SYCP1: variants seen among roughly 807,000 people sequenced by gnomAD.
SYCP1 encodes the protein cancer/testis antigen 8.
A neutral mutation model predicts 153.1 loss-of-function variants in SYCP1; 64 were observed. The ratio of observed to expected loss-of-function variants is 0.42; its 90% CI spans 0.34 to 0.51. SYCP1 has a LOEUF of 0.51. Among genes scored for constraint, SYCP1 ranks in the 20% least tolerant of loss-of-function variants. The pLI is 0.06. For synonymous variants in SYCP1, 384 were observed against 341.8 expected (o/e 1.12, Z -1.36); for missense variants, 997 against 1,049.0 (o/e 0.95, Z 0.68).
intron 8 of SYCP1, among the ~76,000 whole-genome samples, chr1:114,873,714 C>T (rs979204440): frequency 6.6e-6 from 1 of 152,154 alleles, no homozygotes; most frequent in Non-Finnish European, 1.5e-5. Context: ...GTTAAACTCA[C>T]AAGAATCTGG....
At chr1:114,933,646 A>C (rs1334846666) in intron 23 of SYCP1, among the ~76,000 whole-genome samples, 1 of 152,220 alleles carries the variant, frequency 6.6e-6, no homozygotes, top group African/African-American at 2.4e-5. Context: ...AAAGAAGCTA[A>C]AAACCTTGAG....
chr1:114,925,342 T>G (rs919896848), intron 21 of SYCP1, among the ~76,000 whole-genome samples: 3 of 152,136 alleles, frequency 2.0e-5, no homozygotes, highest in African/African-American at 7.2e-5. Flanking sequence ...AAATCCTCCA[T>G]TAAGAATTTA....
chr1:114,916,860 T>C (rs1294639883), intron 20 of SYCP1, among the ~76,000 whole-genome samples: 1 of 152,020 alleles, frequency 6.6e-6, no homozygotes, highest in African/African-American at 2.4e-5. Flanking sequence ...ATTTTCGATT[T>C]TTAATTTTTG....
intron 27 of SYCP1, among the ~76,000 whole-genome samples, chr1:114,966,213 G>A (rs993946224): frequency 5.3e-5 from 8 of 151,876 alleles, no homozygotes; most frequent in African/African-American, 1.7e-4. Flanking sequence ...TTTTTATTGT[G>A]TCTATTTGAT....
At chr1:114,937,548 A>G (rs1670104949) in intron 23 of SYCP1, among the ~76,000 whole-genome samples, 2 of 152,174 alleles carry the variant, frequency 1.3e-5, no homozygotes, top group Non-Finnish European at 2.9e-5. Context: ...GACAAATGGG[A>G]TCTAATTAAA....
intron 27 of SYCP1, among the ~76,000 whole-genome samples, chr1:114,973,237 A>C (rs1672602984): frequency 6.6e-6 from 1 of 151,954 alleles, no homozygotes. Flanking sequence ...CTTTTAGAGG[A>C]ATCTTCTGTT....
intron 21 of SYCP1, among the ~76,000 whole-genome samples, chr1:114,924,289 T>A (rs957155390): frequency 6.6e-6 from 1 of 152,200 alleles, no homozygotes; most frequent in Non-Finnish European, 1.5e-5. Flanking sequence ...CAGTTCACAC[T>A]TATTCCTGAG....
At chr1:114,958,169 A>C (rs1671554195) in intron 27 of SYCP1, among the ~76,000 whole-genome samples, 1 of 152,210 alleles carries the variant, frequency 6.6e-6, no homozygotes, top group South Asian at 2.1e-4. Flanking sequence ...ATATTGTGTT[A>C]TGTGAAATAA....
chr1:114,897,086 G>C (rs1040251270), intron 16 of SYCP1, among the ~76,000 whole-genome samples: 2 of 152,104 alleles, frequency 1.3e-5, no homozygotes, highest in East Asian at 3.9e-4. Context: ...GAGGTTCTCC[G>C]GGGAGACCTT....
intron 15 of SYCP1, among the ~76,000 whole-genome samples, chr1:114,889,321 A>T (rs1004870780): frequency 1.1e-4 from 17 of 152,200 alleles, no homozygotes; most frequent in Admixed American, 6.5e-4. Context: ...CACTCCCAAC[A>T]GTGTAAAAGC....
Position 114,895,521 on chromosome 1 carries a change from CT to C in SYCP1, c.1320+15del. ...TGAAAAAAGTCTTGGTAAGTATAGT[CT>C]TTCCTATTAATATATAGCAATTACT... is the stretch of plus-strand genomic sequence containing the variant. On this transcript the variant is annotated intron_variant, in intron 16 of 31. Transcript: ENST00000369522. 1 of 1,398,878 alleles carries C rather than the reference CT, an allele frequency of 7.1e-7. No homozygotes were observed. Among genetic ancestry groups the C allele is most frequent in the Non-Finnish European group, 9.8e-7 (1 of 1,025,054 alleles). 86.7% of individuals were successfully genotyped at this position (1,398,878 alleles called of 1,614,324 possible).
intron 16 of SYCP1, among the ~76,000 whole-genome samples, chr1:114,906,884 T>A (rs1214741990): frequency 2.0e-5 from 3 of 152,222 alleles, no homozygotes; most frequent in African/African-American, 7.2e-5. Flanking sequence ...TATATGTTTT[T>A]AATTGAATTT....
chr1:114,897,764 G>A (rs1667166377), intron 16 of SYCP1, among the ~76,000 whole-genome samples: 1 of 152,200 alleles, frequency 6.6e-6, no homozygotes, highest in Non-Finnish European at 1.5e-5. Flanking sequence ...AGAAAAAGGA[G>A]AGCAGGCATC....
chr1:114,951,742 T>TACAGA (rs1671120910), intron 27 of SYCP1, among the ~76,000 whole-genome samples: 1 of 152,214 alleles, frequency 6.6e-6, no homozygotes, highest in Non-Finnish European at 1.5e-5. Flanking sequence ...ACAATTAAGA[T>TACAGA]ACAGAACAGT....
Position 114,945,503 on chromosome 1 carries a change from A to T in SYCP1, c.2154+521A>T, listed in dbSNP as rs146717277. The stretch of plus-strand genomic sequence containing the variant: ...GAGGTAGGGTATACCTACCTATTCA[A>T]TTAAAAAAAAAAGCTGCTGGAATAC... On this transcript the variant is annotated intron_variant, in intron 25 of 31. Transcript: ENST00000369522. 1.0e-3 allele frequency among the ~76,000 whole-genome samples: 157 copies of T among 152,046 alleles called. 2 individuals are homozygous for T. Among genetic ancestry groups the T allele is most frequent in the African/African-American group, 3.7e-3 (152 of 41,518 alleles).
intron 28 of SYCP1, among the ~76,000 whole-genome samples, chr1:114,979,442 A>G (rs764849698): frequency 1.5e-4 from 23 of 151,674 alleles, no homozygotes; most frequent in Non-Finnish European, 2.7e-4. Flanking sequence ...TCACATGAGA[A>G]TTTTCTTTAG....
intron 16 of SYCP1, among the ~76,000 whole-genome samples, chr1:114,904,644 T>C (rs1012236729): frequency 3.9e-5 from 6 of 152,242 alleles, no homozygotes; most frequent in African/African-American, 1.2e-4. Flanking sequence ...ATTAGGTTTA[T>C]ACCTAAGTAT....
Position 114,995,114 on chromosome 1 carries a change from T to C in SYCP1, c.*95T>C. 1 of 1,249,946 alleles carries C rather than the reference T, an allele frequency of 8.0e-7. No individual in the cohort carries two copies. The highest frequency in any genetic ancestry group is 1.1e-6 in the Non-Finnish European group (1 of 931,602). The allele number at this position is 1,249,946 out of a possible 1,614,324, so 77.4% of individuals were successfully genotyped here. On this transcript the variant is annotated 3_prime_UTR_variant, in exon 32 of 32. Coordinates refer to ENST00000369522, the MANE Select transcript of SYCP1 (RefSeq NM_003176.4). ...GCCAGAGCCAAATTTTATCTGGAAG[T>C]TGAGACTTAAAAAATACTTGCATGA...
At chr1:114,943,342 A>G (rs1413764804) in intron 23 of SYCP1, among the ~76,000 whole-genome samples, 1 of 151,948 alleles carries the variant, frequency 6.6e-6, no homozygotes, top group African/African-American at 2.4e-5. Context: ...AAATGGAGAC[A>G]ACTCAGTGCC....
Sources: allele counts gnomAD v4.1 joint callset (sites outside exome capture counted in the v4.1 genomes callset), GRCh38; gene constraint gnomAD v4.1.1; transcripts MANE v1.5; gene names NCBI Gene and HGNC (gene_info 2026-07-23, HGNC 2026-07-21).